The following MUC5B variants were observed in gnomAD, a reference collection of about 807,000 sequenced individuals.
The protein encoded by MUC5B is mucin-5B.
A neutral mutation model predicts 376.9 loss-of-function variants in MUC5B; 116 were observed. The observed-to-expected ratio is 0.31, with a 90% confidence interval of 0.26 to 0.36. The LOEUF (loss-of-function observed/expected upper bound fraction) is 0.36, where lower values mean the gene tolerates loss of function less well. MUC5B is among the 10% of genes least tolerant of loss of function. MUC5B has a pLI of 1.00. For missense variants in MUC5B, 7,165 were observed against 7,769.9 expected, an observed-to-expected ratio of 0.92 and a Z score of 2.93; for synonymous variants, 3,517 against 3,390.9, an observed-to-expected ratio of 1.04 and a Z score of -1.29.
rs1476663948 is a variant in MUC5B, at chr11:1,247,654, G to A, written c.10774G>A (p.Gly3592Ser). Residue 3592 changes from glycine to serine, a missense_variant, in exon 31 of 49, where the codon GGC becomes AGC. By Grantham distance (56) the Gly-to-Ser change is moderately conservative (BLOSUM62 0). Transcript: ENST00000529681. ...CAGCTACCCCATGCCGGGGCCCTCT[G>A]GCGGGGACTTTGACACCTACTCCAA... is the stretch of plus-strand genomic sequence containing the variant. Reference protein sequence around the residue: ...DYSYPMPGPSGGDFDTYSNIR... With the variant: ...DYSYPMPGPSSGDFDTYSNIR... 6.2e-7 allele frequency: 1 copy of A among 1,605,076 alleles called. No homozygotes were observed. Among genetic ancestry groups the A allele is most frequent in the South Asian group, 1.1e-5 (1 of 90,660 alleles).
rs754342712 is a variant in MUC5B, at chr11:1,244,621, A to G, written c.7741A>G (p.Thr2581Ala). 9 of 1,613,360 alleles carry G rather than the reference A, an allele frequency of 5.6e-6. No homozygotes were observed. Among genetic ancestry groups the G allele is most frequent in the Non-Finnish European group, 7.6e-6 (9 of 1,179,762 alleles). Reference protein sequence around the residue: ...PETVHTSTVLTTTATTTGATG... With the variant: ...PETVHTSTVLATTATTTGATG... ...GACTGTCCACACCTCCACAGTGCTT[A>G]CCACCACGGCCACCACAACCGGGGC... Residue 2581 changes from threonine (T) to alanine (A), a missense_variant, in exon 31 of 49, where the codon ACC becomes GCC. Around this residue, in one of 31 missense-constraint regions of MUC5B, gnomAD observed 194 missense variants for 268.5 expected, o/e 0.72. Coordinates refer to ENST00000529681, the MANE Select transcript of MUC5B (RefSeq NM_002458.3).
rs547244903 is a variant in MUC5B at position 1,225,280 on chromosome 11, G to A, written c.71-401G>A. Among the ~76,000 whole-genome samples, 6 of 152,346 alleles carry A rather than the reference G, an allele frequency of 3.9e-5. No individual in the cohort carries two copies. In the East Asian group the frequency reaches 5.8e-4, roughly 15 times the overall value. On this transcript the variant is annotated intron_variant, in intron 1 of 48. Transcript: ENST00000529681. ...CTCCAAGGGATGTGTGGGATGGGGCGAAATCCCCCCTTGGGGCGGCCAACG... is the reference window on the plus strand; with the variant it reads ...CTCCAAGGGATGTGTGGGATGGGGCAAAATCCCCCCTTGGGGCGGCCAACG...
chr11:1,254,051 C>A, intron 33 of MUC5B, 41 bp from the exon 34 acceptor site: 1 of 1,589,762 alleles, frequency 6.3e-7, no homozygotes. Flanking sequence ...AGCGAGGGCA[C>A]CACCACGGAG....
chr11:1,259,176 CGAGGCACCTGCCCCCAGGTGAGTCCCT>C (rs1564954413), intron 44 of MUC5B, 115 bp downstream of exon 44: 60 of 1,113,624 alleles, frequency 5.4e-5, no homozygotes, highest in Non-Finnish European at 7.0e-5. Context: ...GGTGAGCCCC[CGAGGCACCTGCCCCCAGGTGAGTCCCT>C]GAGGCACTTG....
chr11:1,226,378 G>T, intron 3 of MUC5B, 102 bp downstream of exon 3: 1 of 1,431,638 alleles, frequency 7.0e-7, no homozygotes, highest in Non-Finnish European at 9.6e-7. Flanking sequence ...TGGGGCCGTT[G>T]GGCCAGACCC....
In MUC5B at chr11:1,242,849, C is replaced by A. The variant is rs768433230; in HGVS notation, c.5969C>A (p.Thr1990Asn). ...VTPIPSSSLG[T>N]TWTRLSQTTT... ...CCCATCCCCTCTTCCTCCCTGGGCA[C>A]CACCTGGACCCGCCTATCACAGACC... Residue 1990 changes from threonine (T) to asparagine (N), a missense_variant, in exon 31 of 49, where the codon ACC (threonine) becomes AAC (asparagine). Transcript: ENST00000529681. 6.2e-7 allele frequency: 1 copy of A among 1,613,378 alleles called. No homozygotes were observed. The highest frequency in any genetic ancestry group is 8.5e-7 in the Non-Finnish European group (1 of 1,179,624).
At position 1,251,520 on chromosome 11, in the gene MUC5B, G is replaced by A. The variant is rs758604043; in HGVS notation, c.14640G>A (p.Val4880=). The A allele has an allele frequency of 2.5e-6, 4 of 1,613,010 alleles. No homozygotes were observed. Among genetic ancestry groups the A allele is most frequent in the Middle Eastern group, 1.6e-4 (1 of 6,084 alleles). The change falls in exon 31 of 49, where the codon GTG becomes GTA. Residue 4880 remains valine (V), a synonymous_variant. Transcript: ENST00000529681. ...TLGTAHTPKV[V]TTMATMPTAT... ...GAACAGCTCACACCCCCAAAGTGGT[G>A]ACCACCATGGCCACTATGCCCACAG...
rs758020542 is a variant in MUC5B at position 1,251,433 on chromosome 11, G to T, written c.14553G>T (p.Pro4851=). ...TPGTTWILTE[P]STIATVMVPT... The stretch of plus-strand genomic sequence containing the variant: ...GGACCACCTGGATCCTCACAGAGCC[G>T]AGCACTATAGCCACCGTGATGGTGC... Residue 4851 remains proline, a synonymous_variant, in exon 31 of 49, where the codon CCG becomes CCT. Coordinates refer to ENST00000529681, the MANE Select transcript of MUC5B (RefSeq NM_002458.3). 8 of 1,612,552 alleles carry T rather than the reference G, an allele frequency of 5.0e-6. No homozygotes were observed. Among genetic ancestry groups the T allele is most frequent in the Non-Finnish European group, 6.8e-6 (8 of 1,179,256 alleles).
chr11:1,226,353 G>A, intron 3 of MUC5B, 77 bp downstream of exon 3: 1 of 1,504,606 alleles, frequency 6.6e-7, no homozygotes, highest in Non-Finnish European at 9.0e-7. Context: ...ATCTAGGGGT[G>A]CAGCTGCCAC....
In MUC5B at chr11:1,226,729, A is replaced by G. The variant is rs752843965; in HGVS notation, c.314A>G (p.Glu105Gly). ...FPGLCNYVFSEHCRAAYEDFN... is the reference protein window; with the variant it reads ...FPGLCNYVFSGHCRAAYEDFN... The stretch of plus-strand genomic sequence containing the variant: ...GGCCTTTGCAACTACGTGTTCTCTG[A>G]GCACTGCCGCGCCGCCTACGAGGAC... Residue 105 changes from glutamate to glycine, a missense_variant, in exon 4 of 49, where the codon GAG becomes GGG. Glu to Gly is a moderately conservative substitution (Grantham distance 98). This residue lies in a region of MUC5B where 640 missense variants were observed against 733.0 expected (regional missense o/e 0.87). Coordinates refer to ENST00000529681, the MANE Select transcript of MUC5B (RefSeq NM_002458.3). 1.2e-6 allele frequency: 2 copies of G among 1,612,658 alleles called. No individual in the cohort carries two copies. Among genetic ancestry groups the G allele is most frequent in the African/African-American group, 1.3e-5 (1 of 74,932 alleles).
At chr11:1,231,392 CT>C in intron 13 of MUC5B, 30 bp from the exon 14 acceptor site, 1 of 1,591,454 alleles carries the variant, frequency 6.3e-7, no homozygotes. Context: ...CCCTGCACCC[CT>C]GACCGGCCTC....
intron 4 of MUC5B, 63 bp from the exon 5 acceptor site, chr11:1,226,968 G>T (rs1408108127): frequency 5.8e-6 from 9 of 1,558,716 alleles, no homozygotes; most frequent in Non-Finnish European, 7.0e-6. Flanking sequence ...GGGCTGGGGG[G>T]GGGTTGGGTG....
chr11:1,252,588 C>T (rs916546282), intron 32 of MUC5B, 64 bp downstream of exon 32: 5 of 1,445,038 alleles, frequency 3.5e-6, no homozygotes, highest in South Asian at 1.4e-5. Flanking sequence ...GCTGGAGGCA[C>T]AGCCACAGTC....
Position 1,242,153 on chromosome 11 carries a change from C to G in MUC5B, c.5273C>G (p.Ala1758Gly), listed in dbSNP as rs565484209. The G allele has an allele frequency of 6.2e-7, 1 of 1,613,514 alleles. No individual in the cohort carries two copies. Among genetic ancestry groups the G allele is most frequent in the Non-Finnish European group, 8.5e-7 (1 of 1,179,888 alleles). Reference protein sequence around the residue: ...TLTSELSTSQAETSTPRTETT... With the variant: ...TLTSELSTSQGETSTPRTETT... ...ACGAGCGAGCTGTCCACCTCTCAGG[C>G]CGAGACCAGCACGCCCAGGACAGAG... The change falls in exon 31 of 49, where the codon GCC becomes GGC. Residue 1758 changes from alanine (A) to glycine (G), a missense_variant. Physicochemically the swap from Ala to Gly is moderately conservative, Grantham distance 60. Around this residue, in one of 31 missense-constraint regions of MUC5B, gnomAD observed 897 missense variants for 779.6 expected, o/e 1.15. Coordinates refer to ENST00000529681, the MANE Select transcript of MUC5B (RefSeq NM_002458.3).
chr11:1,247,268 G>A lies in MUC5B; in HGVS notation c.10388G>A (p.Ser3463Asn), dbSNP rs760123274. The change falls in exon 31 of 49, where the codon AGT becomes AAT. Residue 3463 changes from serine (S) to asparagine (N), a missense_variant. Physicochemically the swap from Ser to Asn is conservative, Grantham distance 46. This residue lies in a region of MUC5B where 939 missense variants were observed against 770.6 expected (regional missense o/e 1.22). Transcript: ENST00000529681. ...CACGGGCGGTCCCTGCCCCCCAGCA[G>A]TCCCCACACGGTGCGCACAGCCTGG... ...TTHGRSLPPSSPHTVRTAWTS... is the reference protein window; with the variant it reads ...TTHGRSLPPSNPHTVRTAWTS... 2 of 1,612,120 alleles carry A rather than the reference G, an allele frequency of 1.2e-6. No individual in the cohort carries two copies. Among genetic ancestry groups the A allele is most frequent in the Non-Finnish European group, 1.7e-6 (2 of 1,179,554 alleles).
In MUC5B at chr11:1,250,459, T is replaced by A. The variant is rs775454883; in HGVS notation, c.13579T>A (p.Ser4527Thr). Residue 4527 changes from serine to threonine, a missense_variant, in exon 31 of 49, where the codon TCC (serine) becomes ACC (threonine). Transcript: ENST00000529681. The part of the protein sequence containing the change: ...PTATSFTAIP[S>T]SSLGTTWTRL... ...AGCTACCAGCTTTACAGCCATCCCC[T>A]CCTCCTCCCTGGGCACCACCTGGAC... 2.0e-5 allele frequency: 32 copies of A among 1,588,764 alleles called. No homozygotes were observed. The Admixed American group carries it at 5.4e-4, about 27-fold the overall frequency.
At position 1,240,859 on chromosome 11, in the gene MUC5B, C is replaced by T; in HGVS notation, c.3979C>T (p.Leu1327Phe). 1 of 1,608,766 alleles carries T rather than the reference C, an allele frequency of 6.2e-7. No individual in the cohort carries two copies. The highest frequency in any genetic ancestry group is 8.5e-7 in the Non-Finnish European group (1 of 1,178,258). The change falls in exon 31 of 49, where the codon CTC (leucine) becomes TTC (phenylalanine). Residue 1327 changes from leucine (L) to phenylalanine (F), a missense_variant. Leu to Phe is a conservative substitution (Grantham distance 22). Transcript: ENST00000529681. Reference protein sequence around the residue: ...WVPHSTTSPALPVSTVCVREV... With the variant: ...WVPHSTTSPAFPVSTVCVREV... The stretch of plus-strand genomic sequence containing the variant: ...TCCCATGCCCCTTGCAGGCCCGGCC[C>T]TCCCGGTCTCCACCGTGTGTGTCCG...
At chr11:1,254,663 C>T (rs771389736) in intron 34 of MUC5B, 31 bp from the exon 35 acceptor site, 1 of 1,597,928 alleles carries the variant, frequency 6.3e-7, no homozygotes, top group East Asian at 2.2e-5. Context: ...GGCACTGCCT[C>T]CCAGCTCAGG....
intron 14 of MUC5B, 95 bp from the exon 15 acceptor site, chr11:1,231,901 C>G: frequency 4.0e-6 from 6 of 1,515,964 alleles, no homozygotes; most frequent in Middle Eastern, 2.2e-4. Context: ...GGCTCCCAGC[C>G]GTTCCACCCT....
Sources: allele counts gnomAD v4.1 joint callset (sites outside exome capture counted in the v4.1 genomes callset), GRCh38; gene constraint gnomAD v4.1.1; regional missense constraint gnomAD v4.1.1; transcripts MANE v1.5; gene names NCBI Gene and HGNC (gene_info 2026-07-23, HGNC 2026-07-21).